The following RAD51 variants were observed in gnomAD, a reference collection of about 807,000 sequenced individuals.
RAD51 encodes the protein RAD51 recombinase.
RAD51 carries 14 observed loss-of-function variants against 41.5 expected under a neutral mutation model. The observed-to-expected ratio is 0.34, with a 90% CI of 0.22 to 0.53. The LOEUF is 0.53. RAD51 is among the 20% of genes least tolerant of loss of function. RAD51 has a pLI of 0.95. For synonymous variants in RAD51, 136 were observed against 148.6 expected (o/e 0.92, Z 0.62); for missense variants, 234 against 422.0 (o/e 0.55, Z 3.90).
rs1555427504 is a variant in RAD51 at position 40,710,269 on chromosome 15, A to AAAAAAAAG, written c.435+1154_435+1155insAAAAAAGA. Among the ~76,000 whole-genome samples the AAAAAAAAG allele has an allele frequency of 1.6e-4, 17 of 104,356 alleles. 3 individuals are homozygous for AAAAAAAAG. The highest frequency in any genetic ancestry group is 3.9e-4 in the African/African-American group (9 of 23,230). 68.5% of individuals were successfully genotyped at this position (104,356 alleles called of 152,430 possible). On this transcript the variant is annotated intron_variant, in intron 5 of 9. Coordinates refer to ENST00000267868, the MANE Select transcript of RAD51 (RefSeq NM_002875.5). ...AAAAAAAAAAAAAAAAAAAAAAAAA[A>AAAAAAAAG]AGAAGAAGAAAAAAAAAAGATCAGG...
intron 6 of RAD51, among the ~76,000 whole-genome samples, chr15:40,720,760 G>T (rs1270023879): frequency 6.6e-6 from 1 of 151,798 alleles, no homozygotes; most frequent in African/African-American, 2.4e-5. Flanking sequence ...AAAATACTTA[G>T]GAATAAATTT....
rs199925463 is a variant in RAD51 at position 40,729,620 on chromosome 15, C to T, written c.760C>T (p.Arg254Ter). The change falls in exon 8 of 10, where the codon CGA becomes TGA. Residue 254 changes from arginine (R) to a stop codon, truncating the protein, a stop_gained. Coordinates refer to ENST00000267868, the MANE Select transcript of RAD51 (RefSeq NM_002875.5). LOFTEE classifies it high-confidence loss of function. Reference sequence around the variant, plus strand: ...GGCCAGGTTTCTGCGGATGCTTCTGCGACTCGCTGATGAGGTAAGTTGTGG... The same window carrying T: ...GGCCAGGTTTCTGCGGATGCTTCTGTGACTCGCTGATGAGGTAAGTTGTGG... ...HLARFLRMLL[R>*]LADEFGVAVV... 4 of 1,613,800 alleles carry T rather than the reference C, an allele frequency of 2.5e-6. No homozygotes were observed. Among genetic ancestry groups the T allele is most frequent in the African/African-American group, 1.3e-5 (1 of 74,900 alleles).
intron 9 of RAD51, among the ~76,000 whole-genome samples, chr15:40,730,520 C>CTTTTTTTTTTTTTCTTTTCTTTTTTT (rs1555429746): frequency 3.5e-5 from 4 of 113,078 alleles, no homozygotes; most frequent in South Asian, 6.6e-4. Flanking sequence ...AATTTTTTTT[C>CTTTTTTTTTTTTTCTTTTCTTTTTTT]TTTTTTTTTT....
At chr15:40,703,486 C>A (rs569032075) in intron 3 of RAD51, among the ~76,000 whole-genome samples, 195 of 152,180 alleles carry the variant, frequency 1.3e-3, no homozygotes, top group African/African-American at 4.6e-3. Context: ...GAAATTTAAA[C>A]ATTATGAAAG....
At chr15:40,718,111 C>G (rs966245491) in intron 5 of RAD51, among the ~76,000 whole-genome samples, 1 of 151,930 alleles carries the variant, frequency 6.6e-6, no homozygotes, top group Non-Finnish European at 1.5e-5. Context: ...ATGGTCTCAG[C>G]TATTTGGGAG....
intron 6 of RAD51, among the ~76,000 whole-genome samples, chr15:40,722,778 T>G (rs1161956984): frequency 6.6e-6 from 1 of 152,186 alleles, no homozygotes; most frequent in Non-Finnish European, 1.5e-5. Context: ...CTTAGTGACC[T>G]TGGGGTAGGC....
At chr15:40,703,262 G>GT (rs1895115906) in intron 3 of RAD51, among the ~76,000 whole-genome samples, 1 of 152,158 alleles carries the variant, frequency 6.6e-6, no homozygotes, top group African/African-American at 2.4e-5. Flanking sequence ...GCACTGAAAT[G>GT]ACAGTGAGTA....
intron 5 of RAD51, among the ~76,000 whole-genome samples, chr15:40,710,276 A>AG: frequency 7.0e-6 from 1 of 142,838 alleles, no homozygotes; most frequent in African/African-American, 2.6e-5. Flanking sequence ...AAAAAGAAGA[A>AG]GAAAAAAAAA....
chr15:40,714,390 T>A (rs756564502), intron 5 of RAD51, among the ~76,000 whole-genome samples: 3 of 152,244 alleles, frequency 2.0e-5, no homozygotes, highest in Non-Finnish European at 1.5e-5. Context: ...CAGGGACTTA[T>A]GTAGAATAAG....
chr15:40,697,574 CTTT>C (rs11340353), intron 1 of RAD51, among the ~76,000 whole-genome samples: 1 of 105,516 alleles, frequency 9.5e-6, no homozygotes. Flanking sequence ...GATGATATTT[CTTT>C]TTTTTTTTTT....
intron 4 of RAD51, 39 bp downstream of exon 4, chr15:40,706,333 A>G (rs1324599909): frequency 2.7e-6 from 4 of 1,464,606 alleles, no homozygotes; most frequent in Middle Eastern, 1.7e-4. Context: ...AACTCTAGTT[A>G]GGAAAGCTTC....
At chr15:40,723,967 T>G (rs1397178152) in intron 6 of RAD51, among the ~76,000 whole-genome samples, 1 of 152,206 alleles carries the variant, frequency 6.6e-6, no homozygotes, top group Admixed American at 6.5e-5. Flanking sequence ...GGAAACCCAG[T>G]GATAAAACAA....
intron 5 of RAD51, among the ~76,000 whole-genome samples, chr15:40,717,464 T>A (rs1412440323): frequency 6.6e-6 from 1 of 152,248 alleles, no homozygotes; most frequent in Non-Finnish European, 1.5e-5. Context: ...GAAATTACCC[T>A]TTAGCATCAT....
chr15:40,724,900 T>C (rs1451372469), intron 6 of RAD51, among the ~76,000 whole-genome samples: 1 of 126,672 alleles, frequency 7.9e-6, no homozygotes, highest in Non-Finnish European at 1.7e-5. Flanking sequence ...TTTTTTTTTT[T>C]TTTTTTTTTT....
rs778467789 is a variant in RAD51, at chr15:40,730,520, C to CT, written c.897-516dup. ...ACACTGTCTTGAAAAAATTTTTTTTCTTTTTTTTTTTTTTTTTTTGAGATG... is the reference window on the plus strand; with the variant it reads ...ACACTGTCTTGAAAAAATTTTTTTTCTTTTTTTTTTTTTTTTTTTTGAGATG... On this transcript the variant is annotated intron_variant, in intron 9 of 9. Coordinates refer to ENST00000267868, the MANE Select transcript of RAD51 (RefSeq NM_002875.5). 8.7e-3 allele frequency among the ~76,000 whole-genome samples: 985 copies of CT among 113,086 alleles called. 23 individuals are homozygous for CT. Among genetic ancestry groups the CT allele is most frequent in the South Asian group, 0.018 (55 of 3,026 alleles). 74.2% of individuals were successfully genotyped at this position (113,086 alleles called of 152,430 possible).
rs1555429623 is a variant in RAD51, at chr15:40,729,609, G to A, written c.749G>A (p.Arg250Gln). ...CAGATGCACTTGGCCAGGTTTCTGC[G>A]GATGCTTCTGCGACTCGCTGATGAG... The part of the protein sequence containing the change: ...ARQMHLARFL[R>Q]MLLRLADEFG... The change falls in exon 8 of 10, where the codon CGG becomes CAG. Residue 250 changes from arginine (R) to glutamine (Q), a missense_variant. Arg to Gln is a conservative substitution (Grantham distance 43, BLOSUM62 1). This residue lies in a region of RAD51 where 134 missense variants were observed against 286.5 expected (regional missense o/e 0.47). Transcript: ENST00000267868. The A allele has an allele frequency of 6.2e-7, 1 of 1,613,958 alleles. No homozygotes were observed. Among genetic ancestry groups the A allele is most frequent in the Non-Finnish European group, 8.5e-7 (1 of 1,180,018 alleles).
At chr15:40,720,683 T>G (rs1443109717) in intron 6 of RAD51, among the ~76,000 whole-genome samples, 1 of 151,966 alleles carries the variant, frequency 6.6e-6, no homozygotes, top group African/African-American at 2.4e-5. Context: ...TTGTATATAC[T>G]AGACAATAAC....
upstream of RAD51, chr15:40,694,875 G>C (rs1210568669): frequency 6.6e-6 from 1 of 152,170 alleles, no homozygotes; most frequent in Non-Finnish European, 1.5e-5. Context: ...GCGAGGGACT[G>C]GGGTAGGAGT....
At chr15:40,717,742 C>T (rs1233073150) in intron 5 of RAD51, among the ~76,000 whole-genome samples, 1 of 151,986 alleles carries the variant, frequency 6.6e-6, no homozygotes, top group Non-Finnish European at 1.5e-5. Flanking sequence ...ATAGACACTC[C>T]GAGGGCATTG....
Sources: gnomAD v4.1 joint callset for allele counts (sites outside exome capture counted in the v4.1 genomes callset) on GRCh38, gnomAD v4.1.1 for gene constraint, gnomAD v4.1.1 regional missense constraint, MANE v1.5 for transcripts, NCBI Gene and HGNC (gene_info 2026-07-23, HGNC 2026-07-21) for gene names.